The following PBX1 variants were observed in gnomAD, a reference collection of about 807,000 sequenced individuals.
PBX1 encodes PBX homeobox 1, also known as pre-B-cell leukemia transcription factor 1.
Under a neutral mutation model 53.4 loss-of-function variants are expected in PBX1, and 6 were observed. The ratio of observed to expected loss-of-function variants is 0.11; its 90% CI spans 0.06 to 0.22. The LOEUF is 0.22. PBX1 is among the 10% of genes least tolerant of loss of function. The pLI is 1.00. For synonymous variants in PBX1, 204 were observed against 212.3 expected (o/e 0.96, Z 0.34); for missense variants, 251 against 551.4 (o/e 0.46, Z 5.46).
At chr1:164,836,338 G>A (rs565216467) in intron 8 of PBX1, among the ~76,000 whole-genome samples, 4 of 152,050 alleles carry the variant, frequency 2.6e-5, no homozygotes, top group Admixed American at 2.0e-4. Context: ...AGTACAGCTG[G>A]AAGGTTTCTA....
chr1:164,687,269 C>CT (rs1183655200), intron 2 of PBX1, among the ~76,000 whole-genome samples: 2 of 152,080 alleles, frequency 1.3e-5, no homozygotes, highest in African/African-American at 4.8e-5. Flanking sequence ...CAACTGGTAT[C>CT]TAAGTATTTC....
chr1:164,738,390 A>G (rs975684845), intron 2 of PBX1, among the ~76,000 whole-genome samples: 17 of 152,154 alleles, frequency 1.1e-4, no homozygotes, highest in African/African-American at 4.1e-4. Context: ...GGCTCAAGCT[A>G]TACTGCTGCC....
At chr1:164,768,977 C>T (rs1557996202) in intron 2 of PBX1, 1 of 152,180 alleles carries the variant, frequency 6.6e-6, no homozygotes, top group African/African-American at 2.4e-5. Context: ...ATTGGTTGAA[C>T]CCAGGAGGCG....
chr1:164,728,867 G>T (rs1410965904), intron 2 of PBX1, among the ~76,000 whole-genome samples: 1 of 152,134 alleles, frequency 6.6e-6, no homozygotes, highest in Admixed American at 6.5e-5. Flanking sequence ...TCTTCATAGA[G>T]CTGTGTCTCT....
intron 2 of PBX1, among the ~76,000 whole-genome samples, chr1:164,717,056 A>AAT (rs1664140819): frequency 6.6e-6 from 1 of 152,112 alleles, no homozygotes; most frequent in Non-Finnish European, 1.5e-5. Flanking sequence ...AGAAGAACCA[A>AAT]ATACACGAAC....
At chr1:164,604,603 C>T (rs1172598448) in intron 2 of PBX1, among the ~76,000 whole-genome samples, 1 of 152,132 alleles carries the variant, frequency 6.6e-6, no homozygotes. Flanking sequence ...AGAGCCGTTG[C>T]CTATGCTATC....
chr1:164,751,625 C>T (rs191418191), intron 2 of PBX1, among the ~76,000 whole-genome samples: 24 of 149,408 alleles, frequency 1.6e-4, no homozygotes, highest in Admixed American at 6.0e-4. Context: ...CTCTGTCGCC[C>T]AGCCTAGAGT....
At chr1:164,791,036 A>G (rs534263000) in intron 2 of PBX1, among the ~76,000 whole-genome samples, 15 of 152,092 alleles carry the variant, frequency 9.9e-5, no homozygotes, top group South Asian at 4.2e-4. Context: ...CATCCCCAAA[A>G]TGTCAACCAA....
chr1:164,585,167 A>G (rs1004337836), intron 2 of PBX1, among the ~76,000 whole-genome samples: 4 of 152,108 alleles, frequency 2.6e-5, no homozygotes, highest in African/African-American at 7.2e-5. Flanking sequence ...TCCTTCCCCA[A>G]CCCCTTCCAA....
intron 2 of PBX1, among the ~76,000 whole-genome samples, chr1:164,743,735 G>A (rs1308807651): frequency 6.6e-6 from 1 of 152,124 alleles, no homozygotes; most frequent in Non-Finnish European, 1.5e-5. Flanking sequence ...TTATGAAGGG[G>A]ATTTTCTACC....
At chr1:164,619,421 A>C (rs1348678103) in intron 2 of PBX1, among the ~76,000 whole-genome samples, 2 of 151,970 alleles carry the variant, frequency 1.3e-5, no homozygotes, top group Non-Finnish European at 2.9e-5. Flanking sequence ...CAAGCAGCTG[A>C]CTTACTTACT....
intron 2 of PBX1, among the ~76,000 whole-genome samples, chr1:164,611,850 A>G (rs1264233316): frequency 6.6e-6 from 1 of 152,112 alleles, no homozygotes; most frequent in Admixed American, 6.5e-5. Context: ...GCCTCCCACT[A>G]ACATTTCTCG....
intron 2 of PBX1, among the ~76,000 whole-genome samples, chr1:164,590,776 T>A (rs1655317119): frequency 6.6e-6 from 1 of 152,022 alleles, no homozygotes; most frequent in South Asian, 2.1e-4. Flanking sequence ...TCTACAGGGA[T>A]GTTGAAGATT....
intron 2 of PBX1, among the ~76,000 whole-genome samples, chr1:164,705,096 G>T (rs150204574): frequency 1.5e-4 from 23 of 152,060 alleles, no homozygotes; most frequent in African/African-American, 5.3e-4. Context: ...CCTTCATTAT[G>T]GGGGCTGCCC....
intron 8 of PBX1, 33 bp downstream of exon 8, chr1:164,821,659 G>T (rs1371136796): frequency 6.5e-7 from 1 of 1,534,766 alleles, no homozygotes; most frequent in African/African-American, 1.4e-5. Flanking sequence ...CCCCTGCTTT[G>T]TTTTTATTCT....
At chr1:164,750,388 G>C (rs917029861) in intron 2 of PBX1, among the ~76,000 whole-genome samples, 1 of 151,912 alleles carries the variant, frequency 6.6e-6, no homozygotes, top group South Asian at 2.1e-4. Context: ...ACAGTATTTT[G>C]ACAGCTGCTT....
chr1:164,613,115 A>G (rs1657044394), intron 2 of PBX1, among the ~76,000 whole-genome samples: 1 of 152,216 alleles, frequency 6.6e-6, no homozygotes, highest in South Asian at 2.1e-4. Flanking sequence ...CCTAATTTTG[A>G]AAATACAACT....
At chr1:164,648,659 A>C (rs937261107) in intron 2 of PBX1, among the ~76,000 whole-genome samples, 9 of 152,194 alleles carry the variant, frequency 5.9e-5, no homozygotes, top group Non-Finnish European at 1.3e-4. Flanking sequence ...TCTTTCTACT[A>C]TACCTAATGC....
intron 2 of PBX1, among the ~76,000 whole-genome samples, chr1:164,710,600 G>A (rs774430738): frequency 2.6e-5 from 4 of 152,032 alleles, no homozygotes; most frequent in South Asian, 2.1e-4. Flanking sequence ...TAGTAGAGAC[G>A]GGGTTTCTCC....
Sources: gnomAD v4.1 joint callset for allele counts (sites outside exome capture counted in the v4.1 genomes callset) on GRCh38, gnomAD v4.1.1 for gene constraint, MANE v1.5 for transcripts, NCBI Gene and HGNC (gene_info 2026-07-23, HGNC 2026-07-21) for gene names.